Variants in LDLRAD4 observed in about 807,000 individuals in gnomAD.
The protein encoded by LDLRAD4 is low density lipoprotein receptor class A domain containing 4.
LDLRAD4 carries 5 observed loss-of-function variants against 17.0 expected under a neutral mutation model. That is an observed-to-expected ratio of 0.29 (90% CI 0.15 to 0.62). The LOEUF is 0.62. Ranked by LOEUF, LDLRAD4 falls within the 20% of genes least tolerant of loss-of-function variation. The probability of loss-of-function intolerance (pLI) is 0.84; values close to 1 mark genes in which losing one functional copy is unlikely to be tolerated. For synonymous variants in LDLRAD4, 168 were observed against 171.8 expected (o/e 0.98, Z 0.17); for missense variants, 340 against 424.7 (o/e 0.80, Z 1.75).
chr18:13,612,546 C>CA, intron 3 of LDLRAD4: 4 of 34,408 alleles, frequency 1.2e-4, no homozygotes, highest in South Asian at 1.4e-3. Flanking sequence ...CAGAAACACA[C>CA]CCCCCCCCCC....
At chr18:13,505,736 T>G (rs1456810143) in intron 3 of LDLRAD4, among the ~76,000 whole-genome samples, 1 of 152,122 alleles carries the variant, frequency 6.6e-6, no homozygotes. Flanking sequence ...GAGAATGGCA[T>G]GAACCTGGGA....
intron 1 of LDLRAD4, among the ~76,000 whole-genome samples, chr18:13,337,367 G>A (rs111464014): frequency 0.011 from 1,662 of 152,302 alleles, 31 homozygotes; most frequent in African/African-American, 0.037. Context: ...GCCTCTGGCA[G>A]ACCTTACAGG....
intron 1 of LDLRAD4, among the ~76,000 whole-genome samples, chr18:13,286,982 A>G (rs538398264): frequency 1.3e-3 from 203 of 152,274 alleles, no homozygotes; most frequent in African/African-American, 4.6e-3. Context: ...ACAGCAGCCT[A>G]GGAGGTGGCG....
chr18:13,544,410 A>G (rs1455727363), intron 3 of LDLRAD4, among the ~76,000 whole-genome samples: 1 of 152,240 alleles, frequency 6.6e-6, no homozygotes, highest in African/African-American at 2.4e-5. Flanking sequence ...GCTGGAAGGA[A>G]TTGAGCCCTG....
At chr18:13,599,486 A>ATTT (rs35131642) in intron 3 of LDLRAD4, among the ~76,000 whole-genome samples, 11 of 81,756 alleles carry the variant, frequency 1.3e-4, no homozygotes, top group African/African-American at 2.9e-4. Context: ...TGAGTCTCCA[A>ATTT]TTTTTTTTTT....
At position 13,313,444 on chromosome 18, in the gene LDLRAD4, G is replaced by T. The variant is rs1299559459; in HGVS notation, c.-383+35256G>T. On this transcript the variant is annotated intron_variant, in intron 1 of 5. Transcript: ENST00000359446. ...AGGGCTTCAAGAACCATTCAGACGT[G>T]CCCTTGAACACTTCTTCCTGTTGCA... is the stretch of plus-strand genomic sequence containing the variant. Among the ~76,000 whole-genome samples the T allele has an allele frequency of 2.6e-5, 4 of 152,114 alleles. No homozygotes were observed. In the East Asian group the frequency reaches 5.8e-4, roughly 22 times the overall value.
chr18:13,351,008 T>C (rs9960893), intron 1 of LDLRAD4, among the ~76,000 whole-genome samples: 60,086 of 152,042 alleles, frequency 0.4, 13,208 homozygotes, highest in African/African-American at 0.6. Flanking sequence ...TCAGTACCAG[T>C]ACCATGCTGT....
chr18:13,346,409 A>C (rs1279180109), intron 1 of LDLRAD4, among the ~76,000 whole-genome samples: 1 of 152,110 alleles, frequency 6.6e-6, no homozygotes, highest in Non-Finnish European at 1.5e-5. Flanking sequence ...CTTAATCCTG[A>C]GTTCTAGTTT....
chr18:13,307,907 C>T (rs779728123), intron 1 of LDLRAD4, among the ~76,000 whole-genome samples: 2 of 152,048 alleles, frequency 1.3e-5, no homozygotes, highest in Non-Finnish European at 2.9e-5. Context: ...GATTTTTGAC[C>T]GTGGAGCGGG....
intron 1 of LDLRAD4, among the ~76,000 whole-genome samples, chr18:13,344,187 GTCT>G (rs2082544710): frequency 6.6e-6 from 1 of 152,146 alleles, no homozygotes; most frequent in Non-Finnish European, 1.5e-5. Context: ...TATTGCCTAG[GTCT>G]TCTTCTAGGG....
intron 3 of LDLRAD4, among the ~76,000 whole-genome samples, chr18:13,603,179 G>A (rs1443156933): frequency 2.0e-5 from 3 of 152,090 alleles, no homozygotes; most frequent in South Asian, 2.1e-4. Context: ...CAGAACACAG[G>A]TTTACTTTAA....
chr18:13,509,670 A>G (rs1171293166), intron 3 of LDLRAD4, among the ~76,000 whole-genome samples: 1 of 152,262 alleles, frequency 6.6e-6, no homozygotes, highest in African/African-American at 2.4e-5. Context: ...ATTGACTTCA[A>G]TTTTGAAAGA....
intron 3 of LDLRAD4, among the ~76,000 whole-genome samples, chr18:13,585,699 T>A (rs531037944): frequency 6.6e-5 from 10 of 152,314 alleles, no homozygotes; most frequent in African/African-American, 2.2e-4. Context: ...TTTTCCAGAT[T>A]TTCTCCAAAT....
At chr18:13,295,850 T>C (rs1345246018) in intron 1 of LDLRAD4, among the ~76,000 whole-genome samples, 3 of 152,218 alleles carry the variant, frequency 2.0e-5, no homozygotes, top group Non-Finnish European at 2.9e-5. Context: ...AAGAATTGTA[T>C]TTGGGGTTTT....
chr18:13,520,411 A>G (rs1246743784), intron 3 of LDLRAD4: 2 of 152,220 alleles, frequency 1.3e-5, no homozygotes, highest in Non-Finnish European at 2.9e-5. Flanking sequence ...TTGCTGAGAT[A>G]TTAATAGATG....
intron 3 of LDLRAD4, among the ~76,000 whole-genome samples, chr18:13,542,694 T>C (rs937892965): frequency 1.3e-5 from 2 of 152,134 alleles, no homozygotes; most frequent in Admixed American, 6.5e-5. Flanking sequence ...CTCCACACAC[T>C]CAGAACACTT....
rs376905981 is a variant in LDLRAD4 at position 13,246,921 on chromosome 18, TG to T, written c.-467+27934del. Among the ~76,000 whole-genome samples, 27 of 151,442 alleles carry T rather than the reference TG, an allele frequency of 1.8e-4. No individual in the cohort carries two copies. The East Asian group carries it at 1.9e-3, about 11-fold the overall frequency. On this transcript the variant is annotated intron_variant, in intron 1 of 5. Coordinates refer to the LDLRAD4 transcript ENST00000399848. The stretch of plus-strand genomic sequence containing the variant: ...TAATTTTGTTCCTGAAAATCTGCAA[TG>T]TTTTTTTATCTACAAGGGTTTTTTT...
Position 13,438,227 on chromosome 18 carries a change from A to G in LDLRAD4, c.41-17A>G. 1.2e-6 allele frequency: 2 copies of G among 1,613,300 alleles called. No homozygotes were observed. Among genetic ancestry groups the G allele is most frequent in the Non-Finnish European group, 1.7e-6 (2 of 1,179,214 alleles). Reference sequence around the variant, plus strand: ...GCTTGCATTGACTGCTCCATGCTTTATATTGTACTTTTTCAGAGTGCAAAT... The same window carrying G: ...GCTTGCATTGACTGCTCCATGCTTTGTATTGTACTTTTTCAGAGTGCAAAT... On this transcript the variant is annotated splice_polypyrimidine_tract_variant and intron_variant, in intron 2 of 5. Transcript: ENST00000359446.
At chr18:13,231,354 G>T (rs959505592) in intron 1 of LDLRAD4, among the ~76,000 whole-genome samples, 51 of 152,188 alleles carry the variant, frequency 3.4e-4, no homozygotes, top group African/African-American at 1.1e-3. Flanking sequence ...TGGGCACGGG[G>T]CGCTGCTCTT....
Sources: allele counts gnomAD v4.1 joint callset (sites outside exome capture counted in the v4.1 genomes callset), GRCh38; gene constraint gnomAD v4.1.1; transcripts MANE v1.5; gene names NCBI Gene and HGNC (gene_info 2026-07-23, HGNC 2026-07-21).